The following WWOX variants were observed in gnomAD, a reference collection of about 807,000 sequenced individuals.
WWOX encodes WW domain containing oxidoreductase.
A neutral mutation model predicts 46.2 loss-of-function variants in WWOX; 69 were observed. That is an observed-to-expected ratio of 1.49 (90% CI 1.23 to 1.82). The LOEUF (loss-of-function observed/expected upper bound fraction) is 1.82, where lower values mean the gene tolerates loss of function less well. WWOX is among the 40% of genes most tolerant of loss of function. The pLI is 0.00. For synonymous variants in WWOX, 359 were observed against 202.6 expected, an observed-to-expected ratio of 1.77 and a Z score of -6.56; for missense variants, 919 against 542.6, an observed-to-expected ratio of 1.69 and a Z score of -6.89.
chr16:79,083,526 C>G (rs369552169), intron 8 of WWOX, among the ~76,000 whole-genome samples: 2 of 152,314 alleles, frequency 1.3e-5, no homozygotes, highest in East Asian at 3.9e-4. Context: ...CAAACGTTTT[C>G]TTTCTCACAA....
intron 8 of WWOX, among the ~76,000 whole-genome samples, chr16:78,700,561 C>G (rs916240229): frequency 6.6e-6 from 1 of 152,184 alleles, no homozygotes; most frequent in African/African-American, 2.4e-5. Flanking sequence ...GTCAGTGCAG[C>G]CTTCACAGGC....
intron 8 of WWOX, among the ~76,000 whole-genome samples, chr16:79,097,779 G>A (rs1567548493): frequency 2.0e-5 from 3 of 152,272 alleles, no homozygotes; most frequent in East Asian, 1.9e-4. Flanking sequence ...AGAGAGTAGC[G>A]GGGCTGAGAG....
intron 5 of WWOX, among the ~76,000 whole-genome samples, chr16:78,294,293 G>A (rs1252413723): frequency 6.6e-6 from 1 of 152,158 alleles, no homozygotes; most frequent in Non-Finnish European, 1.5e-5. Flanking sequence ...TGCCGGGGTT[G>A]CAGATGCAGA....
chr16:78,190,032 G>GC (rs1345639013), intron 5 of WWOX, among the ~76,000 whole-genome samples: 2 of 152,122 alleles, frequency 1.3e-5, no homozygotes, highest in Non-Finnish European at 2.9e-5. Flanking sequence ...ATCTTGTCCA[G>GC]CACATGTGTC....
chr16:78,164,537 C>T lies in WWOX; in HGVS notation c.516+248C>T, dbSNP rs560706007. ...AGTCAGGGGTTTGAGAATGTTTCTT[C>T]CTTTAACTCATTTATTAAGAAAAAT... is the stretch of plus-strand genomic sequence containing the variant. On this transcript the variant is annotated intron_variant, in intron 5 of 8. Coordinates refer to ENST00000566780, the MANE Select transcript of WWOX (RefSeq NM_016373.4). Among the ~76,000 whole-genome samples, 14 of 152,228 alleles carry T rather than the reference C, an allele frequency of 9.2e-5. No individual in the cohort carries two copies. In the East Asian group the frequency reaches 1.7e-3, roughly 19 times the overall value.
chr16:78,702,173 C>T (rs1295015722), intron 8 of WWOX, among the ~76,000 whole-genome samples: 5 of 142,542 alleles, frequency 3.5e-5, no homozygotes, highest in Non-Finnish European at 4.5e-5. Context: ...TCAGCTACTC[C>T]GGAGGCCGAG....
At chr16:78,733,257 C>G (rs1340154993) in intron 8 of WWOX, among the ~76,000 whole-genome samples, 2 of 152,070 alleles carry the variant, frequency 1.3e-5, no homozygotes, top group African/African-American at 4.8e-5. Context: ...AAATATACTG[C>G]CAGCCTGGGC....
At chr16:78,990,147 G>A (rs1231752977) in intron 8 of WWOX, among the ~76,000 whole-genome samples, 1 of 147,848 alleles carries the variant, frequency 6.8e-6, no homozygotes, top group Non-Finnish European at 1.5e-5. Flanking sequence ...CCTTGCCACT[G>A]CACACCAGCC....
intron 8 of WWOX, among the ~76,000 whole-genome samples, chr16:78,930,524 C>T (rs888079240): frequency 6.8e-6 from 1 of 146,406 alleles, no homozygotes; most frequent in Non-Finnish European, 1.5e-5. Flanking sequence ...CTCCTAGCCT[C>T]AAGTGATCCG....
intron 8 of WWOX, among the ~76,000 whole-genome samples, chr16:78,993,828 C>G (rs914350773): frequency 2.6e-5 from 4 of 152,190 alleles, no homozygotes; most frequent in African/African-American, 9.7e-5. Flanking sequence ...CTGCAAGAAG[C>G]CAAGACGCCT....
intron 5 of WWOX, among the ~76,000 whole-genome samples, chr16:78,361,778 A>T (rs147762163): frequency 1.3e-5 from 2 of 151,892 alleles, no homozygotes; most frequent in African/African-American, 4.8e-5. Context: ...TGCCCAGCTA[A>T]TTTTTATATT....
At chr16:78,505,626 G>T (rs12051341) in intron 8 of WWOX, among the ~76,000 whole-genome samples, 6,473 of 152,190 alleles carry the variant, frequency 0.043, 290 homozygotes, top group East Asian at 0.16. Context: ...CACGCTTCTG[G>T]CTTGCTCCAA....
At position 78,194,536 on chromosome 16, in the gene WWOX, T is replaced by C. The variant is rs2035986761; in HGVS notation, c.516+30247T>C. Among the ~76,000 whole-genome samples the C allele has an allele frequency of 1.4e-5, 2 of 142,924 alleles. 1 individual carries two copies. The highest frequency in any genetic ancestry group is 1.5e-4 in the Admixed American group (2 of 13,214). 93.8% of individuals were successfully genotyped at this position (142,924 alleles called of 152,430 possible). ...CTGGGAGGCAGAGGTTGCAGTGAGCTGAGATCATGCTACTGCACTCCAGGC... is the reference window on the plus strand; with the variant it reads ...CTGGGAGGCAGAGGTTGCAGTGAGCCGAGATCATGCTACTGCACTCCAGGC... On this transcript the variant is annotated intron_variant, in intron 5 of 8. Coordinates refer to ENST00000566780, the MANE Select transcript of WWOX (RefSeq NM_016373.4).
At chr16:78,157,190 T>G (rs2034634888) in intron 4 of WWOX, among the ~76,000 whole-genome samples, 1 of 152,142 alleles carries the variant, frequency 6.6e-6, no homozygotes, top group South Asian at 2.1e-4. Context: ...ATCTTCTGGG[T>G]GTGTGAAGTC....
chr16:78,309,215 C>G lies in WWOX; in HGVS notation c.517-77645C>G, dbSNP rs368060507. ...GTGGATGTAATTGAATCATATACTC[C>G]CGATAGTGAGTTCTCACGTGATCCG... is the stretch of plus-strand genomic sequence containing the variant. On this transcript the variant is annotated intron_variant, in intron 5 of 8. Coordinates refer to ENST00000566780, the MANE Select transcript of WWOX (RefSeq NM_016373.4). Among the ~76,000 whole-genome samples the G allele has an allele frequency of 5.3e-5, 8 of 152,232 alleles. No homozygotes were observed. In the South Asian group the frequency reaches 1.7e-3, roughly 32 times the overall value.
chr16:78,132,189 T>G (rs1438308984), intron 4 of WWOX, among the ~76,000 whole-genome samples: 1 of 149,710 alleles, frequency 6.7e-6, no homozygotes, highest in African/African-American at 2.5e-5. Context: ...CACGCCCGGC[T>G]AATTTTTTTG....
At chr16:78,578,801 C>A (rs1270076318) in intron 8 of WWOX, among the ~76,000 whole-genome samples, 2 of 152,148 alleles carry the variant, frequency 1.3e-5, no homozygotes, top group African/African-American at 4.8e-5. Context: ...TGCGCGGCTT[C>A]CAGAATTGCA....
chr16:78,398,612 A>G (rs6564539), intron 6 of WWOX, among the ~76,000 whole-genome samples: 10,659 of 152,202 alleles, frequency 0.07, 478 homozygotes, highest in South Asian at 0.17. Context: ...GCTTTTTTCT[A>G]TATTGATTTT....
chr16:79,105,290 A>T (rs990599142), intron 8 of WWOX, among the ~76,000 whole-genome samples: 2 of 152,182 alleles, frequency 1.3e-5, no homozygotes, highest in African/African-American at 4.8e-5. Context: ...TTTCTTTTAG[A>T]TGTAGAAAGG....
Sources: gnomAD v4.1 joint callset for allele counts (sites outside exome capture counted in the v4.1 genomes callset) on GRCh38, gnomAD v4.1.1 for gene constraint, MANE v1.5 for transcripts, NCBI Gene and HGNC (gene_info 2026-07-23, HGNC 2026-07-21) for gene names.